Variants in ZNF35 observed in about 807,000 individuals in gnomAD.
ZNF35 encodes the protein zinc finger protein 35, also known as zinc finger protein 35 (clone HF.10).
In ZNF35, 31 loss-of-function variants were observed where a neutral mutation model predicts 45.9. That is an observed-to-expected ratio of 0.68 (90% CI 0.51 to 0.91). The LOEUF is 0.91. ZNF35 is among the 40% of genes least tolerant of loss of function. The pLI is 0.00. For missense variants in ZNF35, 515 were observed against 625.4 expected (o/e 0.82, Z 1.88); for synonymous variants, 205 against 220.2 (o/e 0.93, Z 0.61).
Position 44,658,787 on chromosome 3 carries a change from A to T in ZNF35, c.424A>T (p.Ile142Phe). The T allele has an allele frequency of 6.2e-7, 1 of 1,609,520 alleles. No individual in the cohort carries two copies. The highest frequency in any genetic ancestry group is 8.5e-7 in the Non-Finnish European group (1 of 1,178,998). ...AAAACCCCTCATCATATCAGAAAGAATCCAGAAAGCTGATCCTCAAGGACC... is the reference window on the plus strand; with the variant it reads ...AAAACCCCTCATCATATCAGAAAGATTCCAGAAAGCTGATCCTCAAGGACC... ...AEKPLIISER[I>F]QKADPQGPEL... Residue 142 changes from isoleucine to phenylalanine, a missense_variant, in exon 4 of 4, where the codon ATC (isoleucine) becomes TTC (phenylalanine). Ile to Phe is a conservative substitution (Grantham distance 21). This residue lies in a region of ZNF35 where 275 missense variants were observed against 295.7 expected (regional missense o/e 0.93). Transcript: ENST00000396056.
upstream of ZNF35, chr3:44,647,705 T>C (rs780130615): frequency 6.6e-6 from 1 of 152,218 alleles, no homozygotes; most frequent in Non-Finnish European, 1.5e-5. Flanking sequence ...CAAAAGGCCA[T>C]ATTCTGTATG....
intron 1 of ZNF35, among the ~76,000 whole-genome samples, chr3:44,649,915 G>A (rs563368845): frequency 6.6e-6 from 1 of 152,130 alleles, no homozygotes; most frequent in Non-Finnish European, 1.5e-5. Flanking sequence ...TACGGAAATT[G>A]AGTTAAAAAA....
chr3:44,650,797 T>C (rs1575513204), intron 1 of ZNF35, 144 bp from the exon 2 acceptor site: 1 of 338,254 alleles, frequency 3.0e-6, no homozygotes, highest in Non-Finnish European at 5.3e-6. Flanking sequence ...CTTCATCCTA[T>C]GAGGGAGGAA....
chr3:44,653,036 G>T (rs1360027439), intron 3 of ZNF35, among the ~76,000 whole-genome samples: 2 of 152,200 alleles, frequency 1.3e-5, no homozygotes, highest in Admixed American at 6.5e-5. Context: ...AGGGTAGACA[G>T]TCTAGAGGCA....
intron 3 of ZNF35, among the ~76,000 whole-genome samples, chr3:44,656,684 C>T (rs1334404186): frequency 1.4e-5 from 2 of 146,080 alleles, no homozygotes; most frequent in Non-Finnish European, 3.0e-5. Context: ...CCACTGCACC[C>T]GGCTTTTTTT....
In ZNF35 at chr3:44,659,513, C is replaced by G. The variant is rs773905918; in HGVS notation, c.1150C>G (p.His384Asp). ...SANLIVHQRS[H>D]TGEKPYECKE... ...AAATCTTATTGTACATCAGCGAAGC[C>G]ATACTGGTGAGAAGCCATATGAGTG... The change falls in exon 4 of 4, where the codon CAT (histidine) becomes GAT (aspartate). Residue 384 changes from histidine to aspartate, a missense_variant. His to Asp is a moderately conservative substitution (Grantham distance 81, BLOSUM62 -1). This residue lies in a region of ZNF35 where 232 missense variants were observed against 304.6 expected (regional missense o/e 0.76). Transcript: ENST00000396056. The surrounding 1 kb of genome is among the most constrained non-coding windows in gnomAD (Gnocchi z 4.3). 2 of 1,613,896 alleles carry G rather than the reference C, an allele frequency of 1.2e-6. No individual in the cohort carries two copies. The highest frequency in any genetic ancestry group is 8.5e-7 in the Non-Finnish European group (1 of 1,180,014).
chr3:44,658,648 C>A (rs1364851334), intron 3 of ZNF35, 53 bp from the exon 4 acceptor site: 1 of 1,517,608 alleles, frequency 6.6e-7, no homozygotes, highest in East Asian at 2.3e-5. Flanking sequence ...TGATCCTATT[C>A]TTTTTCTAGG....
chr3:44,658,662 G>C, intron 3 of ZNF35, 39 bp from the exon 4 acceptor site: 1 of 1,525,342 alleles, frequency 6.6e-7, no homozygotes, highest in South Asian at 1.4e-5. Context: ...TTCTAGGCCA[G>C]AGAAAGCTAA....
At chr3:44,658,046 T>C (rs1703340167) in intron 3 of ZNF35, among the ~76,000 whole-genome samples, 1 of 152,170 alleles carries the variant, frequency 6.6e-6, no homozygotes, top group Admixed American at 6.5e-5. Context: ...CTAGTTAGTG[T>C]CAGAGCAGAG....
chr3:44,654,053 C>T (rs975598564), intron 3 of ZNF35, among the ~76,000 whole-genome samples: 20 of 152,180 alleles, frequency 1.3e-4, no homozygotes, highest in Non-Finnish European at 5.9e-5. Context: ...CCACTTTCTG[C>T]TTTGTGTTCC....
At chr3:44,653,367 T>G (rs1362182840) in intron 3 of ZNF35, among the ~76,000 whole-genome samples, 1 of 152,224 alleles carries the variant, frequency 6.6e-6, no homozygotes, top group Non-Finnish European at 1.5e-5. Flanking sequence ...GCTTAAGTTG[T>G]TGCCATCAGG....
rs1465958549 is a variant in ZNF35 at position 44,651,259 on chromosome 3, G to T, written c.192G>T (p.Lys64Asn). The T allele has an allele frequency of 2.5e-6, 4 of 1,610,474 alleles. No individual in the cohort carries two copies. Among genetic ancestry groups the T allele is most frequent in the South Asian group, 1.1e-5 (1 of 90,736 alleles). Residue 64 changes from lysine to asparagine, a missense_variant and splice_region_variant, in exon 2 of 4, where the codon AAG becomes AAT. Coordinates refer to ENST00000396056, the MANE Select transcript of ZNF35 (RefSeq NM_003420.4). ...TTGATGGATCAGAAGAGGAAGAAAA[G>T]GTAAACGGGGGCCTGAGAGGAAGAG... ...TGLDGSEEEE[K>N]GQNISWDMAV...
chr3:44,653,980 T>C (rs1353398074), intron 3 of ZNF35, among the ~76,000 whole-genome samples: 1 of 152,176 alleles, frequency 6.6e-6, no homozygotes, highest in Non-Finnish European at 1.5e-5. Flanking sequence ...AAGACAAGGA[T>C]CTCCACCTAG....
Position 44,659,908 on chromosome 3 carries a change from A to G in ZNF35, c.1545A>G (p.Ser515=). 1.3e-6 allele frequency: 2 copies of G among 1,589,936 alleles called. No homozygotes were observed. The highest frequency in any genetic ancestry group is 1.7e-6 in the Non-Finnish European group (2 of 1,167,778). ...GTGGTGCAGCTTTCATTTCCAACTC[A>G]CACCTCATGCGACACCATAGAACCC... ...EKCGAAFISN[S]HLMRHHRTHL... Residue 515 remains serine (S), a synonymous_variant, in exon 4 of 4, where the codon TCA becomes TCG. Transcript: ENST00000396056. The surrounding 1 kb of genome is among the most constrained non-coding windows in gnomAD (Gnocchi z 4.3).
At chr3:44,653,287 T>C (rs1703238684) in intron 3 of ZNF35, among the ~76,000 whole-genome samples, 1 of 152,216 alleles carries the variant, frequency 6.6e-6, no homozygotes, top group African/African-American at 2.4e-5. Flanking sequence ...TGGCCACTTC[T>C]GGATTCCTTT....
Position 44,652,703 on chromosome 3 carries a change from T to C in ZNF35, c.337+2T>C. ...CTCATGGGACCATGAACTTTCTAGG[T>C]ATGGTTCAGTTCCCTGATTCTGAAT... On this transcript the variant is annotated splice_donor_variant, in intron 3 of 3. Transcript: ENST00000396056. LOFTEE classifies it high-confidence loss of function. 6.4e-7 allele frequency: 1 copy of C among 1,572,880 alleles called. No homozygotes were observed. The highest frequency in any genetic ancestry group is 1.4e-5 in the African/African-American group (1 of 73,154).
intron 3 of ZNF35, 33 bp downstream of exon 3, chr3:44,652,734 C>A: frequency 6.7e-7 from 1 of 1,502,126 alleles, no homozygotes; most frequent in South Asian, 1.4e-5. Flanking sequence ...TGAATCTGAC[C>A]ATTGGGGTTT....
rs1703375242 is a variant in ZNF35, at chr3:44,660,087, A to C, written c.*140A>C. 1.1e-6 allele frequency: 1 copy of C among 902,088 alleles called. No homozygotes were observed. Among genetic ancestry groups the C allele is most frequent in the Admixed American group, 3.6e-5 (1 of 28,146 alleles). 55.9% of individuals were successfully genotyped at this position (902,088 alleles called of 1,614,324 possible). ...GTTATAGTTTTCAGGAATGCAGCAG[A>C]AGACACAAGAAAAGCATTTCAGAGG... On this transcript the variant is annotated 3_prime_UTR_variant, in exon 4 of 4. Transcript: ENST00000396056.
chr3:44,654,457 TGGC>T (rs1226868456), intron 3 of ZNF35, among the ~76,000 whole-genome samples: 1 of 152,192 alleles, frequency 6.6e-6, no homozygotes, highest in Admixed American at 6.5e-5. Flanking sequence ...CAGGATTTGT[TGGC>T]GGCCTCCTTC....
Sources: gnomAD v4.1 joint callset for allele counts (sites outside exome capture counted in the v4.1 genomes callset) on GRCh38, gnomAD v4.1.1 for gene constraint, gnomAD v4.1.1 regional missense constraint, Gnocchi (gnomAD v3.1) non-coding constraint, MANE v1.5 for transcripts, NCBI Gene and HGNC (gene_info 2026-07-23, HGNC 2026-07-21) for gene names.